KIAA1217: variants seen among roughly 807,000 people sequenced by gnomAD.
KIAA1217 encodes the protein KIAA1217.
A neutral mutation model predicts 163.9 loss-of-function variants in KIAA1217; 88 were observed. The ratio of observed to expected loss-of-function variants is 0.54; its 90% CI spans 0.45 to 0.64. The LOEUF is 0.64. KIAA1217 is among the 30% of genes least tolerant of loss of function. KIAA1217 has a pLI of 0.00. For synonymous variants in KIAA1217, 903 were observed against 923.1 expected, an observed-to-expected ratio of 0.98 and a Z score of 0.39; for missense variants, 2,372 against 2,475.0, an observed-to-expected ratio of 0.96 and a Z score of 0.88.
At position 24,335,451 on chromosome 10, in the gene KIAA1217, C is replaced by A. The variant is rs181594834; in HGVS notation, c.355-45418C>A. 4.7e-3 allele frequency among the ~76,000 whole-genome samples: 708 copies of A among 151,942 alleles called. 2 individuals carry two copies. Among genetic ancestry groups the A allele is most frequent in the Non-Finnish European group, 5.5e-3 (373 of 67,980 alleles). On this transcript the variant is annotated intron_variant, in intron 2 of 20. Coordinates refer to ENST00000376454, the MANE Select transcript of KIAA1217 (RefSeq NM_019590.5). The stretch of plus-strand genomic sequence containing the variant: ...GAGATTACAGGCAGGTACCACCACA[C>A]CCGGCTAATGGGTATGGAGTTTTAT...
At chr10:24,437,906 CAAAAAAAAAA>C (rs58645832) in intron 4 of KIAA1217, among the ~76,000 whole-genome samples, 1 of 63,692 alleles carries the variant, frequency 1.6e-5, no homozygotes, top group Non-Finnish European at 2.8e-5. Context: ...TGTTTGAAGG[CAAAAAAAAAA>C]AAAAAAAAAG....
intron 1 of KIAA1217, among the ~76,000 whole-genome samples, chr10:23,724,089 A>G (rs1267418891): frequency 2.0e-5 from 3 of 152,076 alleles, no homozygotes; most frequent in African/African-American, 4.8e-5. Context: ...GAACTCACTC[A>G]CTTTCATGAG....
rs555512603 is a variant in KIAA1217, at chr10:24,524,696, G to C, written c.2830G>C (p.Ala944Pro). 1.1e-5 allele frequency: 18 copies of C among 1,613,044 alleles called. No individual in the cohort carries two copies. In the South Asian group the frequency reaches 2.0e-4, roughly 18 times the overall value. ...CCCACAGATACCCATGAATGGGTCTGCCATGCAGAGCTTGTTCATTGAAGA... is the reference window on the plus strand; with the variant it reads ...CCCACAGATACCCATGAATGGGTCTCCCATGCAGAGCTTGTTCATTGAAGA... ...QSPQIPMNGS[A>P]MQSLFIEEIH... is the part of the protein sequence containing the mutation. The change falls in exon 13 of 21, where the codon GCC (alanine) becomes CCC (proline). Residue 944 changes from alanine to proline, a missense_variant. Around this residue, in one of 3 missense-constraint regions of KIAA1217, gnomAD observed 1,431 missense variants for 1,470.3 expected, o/e 0.97. Coordinates refer to ENST00000376454, the MANE Select transcript of KIAA1217 (RefSeq NM_019590.5).
intron 1 of KIAA1217, among the ~76,000 whole-genome samples, chr10:23,926,127 G>A (rs1372119635): frequency 1.3e-5 from 2 of 152,056 alleles, no homozygotes; most frequent in African/African-American, 4.8e-5. Context: ...GGAAAAAGAA[G>A]GAAGAAGGGG....
intron 2 of KIAA1217, among the ~76,000 whole-genome samples, chr10:24,038,322 G>A (rs1288440960): frequency 6.6e-6 from 1 of 152,170 alleles, no homozygotes; most frequent in Non-Finnish European, 1.5e-5. Context: ...TGACTTTGTG[G>A]ATGAACCAGC....
In KIAA1217 at chr10:24,209,241, A is replaced by G; in HGVS notation, c.48A>G (p.Ser16=). 1 of 1,613,798 alleles carries G rather than the reference A, an allele frequency of 6.2e-7. No individual in the cohort carries two copies. Among genetic ancestry groups the G allele is most frequent in the Non-Finnish European group, 8.5e-7 (1 of 1,179,808 alleles). The change falls in exon 1 of 21, where the codon TCA becomes TCG. Residue 16 remains serine (S), a synonymous_variant. Transcript: ENST00000376454. ...SQKCEPCLPY[S]ADRRQMQEQG... is the part of the protein sequence containing the mutation. The stretch of plus-strand genomic sequence containing the variant: ...AATGTGAGCCGTGCCTTCCTTACTC[A>G]GCAGACAGAAGACAGATGCAGGGTA...
intron 2 of KIAA1217, among the ~76,000 whole-genome samples, chr10:24,108,361 T>C (rs2062711185): frequency 6.6e-6 from 1 of 152,198 alleles, no homozygotes; most frequent in South Asian, 2.1e-4. Flanking sequence ...TTCTTAAGAT[T>C]GAAAAGACTT....
chr10:24,127,538 C>G (rs1003002729), intron 2 of KIAA1217, among the ~76,000 whole-genome samples: 1 of 152,164 alleles, frequency 6.6e-6, no homozygotes, highest in Non-Finnish European at 1.5e-5. Context: ...AATCCTTTTA[C>G]AGCCGGTGTA....
chr10:24,049,776 A>T (rs575785564), intron 2 of KIAA1217, among the ~76,000 whole-genome samples: 1 of 152,294 alleles, frequency 6.6e-6, no homozygotes, highest in South Asian at 2.1e-4. Flanking sequence ...ATACGTGTGC[A>T]TGTGTCTTTA....
intron 1 of KIAA1217, among the ~76,000 whole-genome samples, chr10:23,945,073 A>G (rs1236933062): frequency 1.3e-5 from 2 of 148,640 alleles, no homozygotes; most frequent in Non-Finnish European, 3.0e-5. Context: ...AAAAAAAAAA[A>G]AAGGGTTTTA....
intron 2 of KIAA1217, among the ~76,000 whole-genome samples, chr10:24,255,953 G>T (rs116792620): frequency 6.6e-6 from 1 of 150,704 alleles, no homozygotes; most frequent in African/African-American, 2.4e-5. Flanking sequence ...TTACCTTGCC[G>T]GGCTCTGAAA....
chr10:24,262,875 G>A (rs1178631986), intron 2 of KIAA1217, among the ~76,000 whole-genome samples: 1 of 151,694 alleles, frequency 6.6e-6, no homozygotes, highest in African/African-American at 2.4e-5. Context: ...CTGTGAATCT[G>A]GGAGGTGGAG....
chr10:24,378,395 C>T (rs2052814033), intron 2 of KIAA1217, among the ~76,000 whole-genome samples: 1 of 151,958 alleles, frequency 6.6e-6, no homozygotes, highest in Non-Finnish European at 1.5e-5. Flanking sequence ...GAGCAACCCT[C>T]GCACCTCCCT....
intron 1 of KIAA1217, among the ~76,000 whole-genome samples, chr10:23,782,251 T>G (rs1258097499): frequency 6.6e-6 from 1 of 152,168 alleles, no homozygotes. Flanking sequence ...AGTCATTTAA[T>G]AGTTTTCAGT....
At chr10:24,321,220 A>C (rs1038786325) in intron 2 of KIAA1217, among the ~76,000 whole-genome samples, 49 of 152,106 alleles carry the variant, frequency 3.2e-4, no homozygotes, top group Middle Eastern at 6.4e-3. Flanking sequence ...ATCCACGTTC[A>C]TAGCAGCATT....
At chr10:24,404,297 G>A (rs1407307393) in intron 3 of KIAA1217, among the ~76,000 whole-genome samples, 5 of 152,158 alleles carry the variant, frequency 3.3e-5, no homozygotes, top group East Asian at 1.9e-4. Context: ...GGCCGGGTGC[G>A]GTGGCTTATG....
At chr10:24,096,286 C>A (rs1447271918) in intron 2 of KIAA1217, among the ~76,000 whole-genome samples, 1 of 152,126 alleles carries the variant, frequency 6.6e-6, no homozygotes, top group Non-Finnish European at 1.5e-5. Flanking sequence ...CCAGATCCCC[C>A]ATGGCTGATC....
chr10:24,138,340 A>G (rs1274308353), intron 2 of KIAA1217, among the ~76,000 whole-genome samples: 1 of 152,036 alleles, frequency 6.6e-6, no homozygotes, highest in Non-Finnish European at 1.5e-5. Context: ...TTAGAGATGG[A>G]GTCTGACTGT....
chr10:24,191,567 A>AT (rs1289173107), intron 2 of KIAA1217, among the ~76,000 whole-genome samples: 1 of 152,048 alleles, frequency 6.6e-6, no homozygotes, highest in Non-Finnish European at 1.5e-5. Flanking sequence ...ATATATATAT[A>AT]TATACCTATT....
Sources: gnomAD v4.1 joint callset for allele counts (sites outside exome capture counted in the v4.1 genomes callset) on GRCh38, gnomAD v4.1.1 for gene constraint, gnomAD v4.1.1 regional missense constraint, MANE v1.5 for transcripts, NCBI Gene and HGNC (gene_info 2026-07-23, HGNC 2026-07-21) for gene names.